Variants in MAP3K15 observed in about 807,000 individuals in gnomAD.
MAP3K15 encodes mitogen-activated protein kinase kinase kinase 15.
Under a neutral mutation model 99.5 loss-of-function variants are expected in MAP3K15, and 124 were observed. That is an observed-to-expected ratio of 1.25 (90% CI 1.08 to 1.45). MAP3K15 has a LOEUF of 1.45. Among genes scored for constraint, MAP3K15 ranks in the 40% most tolerant of loss-of-function variants. The pLI is 0.00. For synonymous variants in MAP3K15, 494 were observed against 439.6 expected (o/e 1.12, Z -1.55); for missense variants, 1,242 against 1,079.7 (o/e 1.15, Z -2.11).
At chrX:19,386,502 T>C (rs941985054) in intron 18 of MAP3K15, among the ~76,000 whole-genome samples, 2 of 110,547 alleles carry the variant, frequency 1.8e-5, no homozygotes, top group Non-Finnish European at 3.8e-5. Flanking sequence ...TGGGGCCCCA[T>C]ATGCTCCCTA....
At chrX:19,392,233 T>A in intron 17 of MAP3K15, 110 bp downstream of exon 17, 6 of 1,047,863 alleles carry the variant, frequency 5.7e-6, no homozygotes, top group Non-Finnish European at 7.9e-6. Flanking sequence ...TTGGGGACGG[T>A]TGTGCTAAAT....
intron 18 of MAP3K15, among the ~76,000 whole-genome samples, chrX:19,381,064 T>C (rs1055279661): frequency 2.7e-5 from 3 of 111,609 alleles, no homozygotes; most frequent in Non-Finnish European, 5.6e-5. Flanking sequence ...ATGTGGTAGG[T>C]GCTAGGACAG....
chrX:19,505,097 TC>T (rs1463376897), intron 1 of MAP3K15, among the ~76,000 whole-genome samples: 1 of 110,278 alleles, frequency 9.1e-6, no homozygotes, highest in Non-Finnish European at 1.9e-5. Flanking sequence ...TTACCTAGCC[TC>T]CAAAACTGAT....
At chrX:19,445,125 C>A (rs1413867972) in intron 6 of MAP3K15, among the ~76,000 whole-genome samples, 2 of 110,921 alleles carry the variant, frequency 1.8e-5, no homozygotes, top group African/African-American at 6.6e-5. Flanking sequence ...ATTAATATAC[C>A]CTCTACTGCC....
At chrX:19,379,286 T>C (rs1470953676) in intron 19 of MAP3K15, among the ~76,000 whole-genome samples, 1 of 108,467 alleles carries the variant, frequency 9.2e-6, no homozygotes, top group African/African-American at 3.4e-5. Flanking sequence ...TCTCCTAGTT[T>C]CCTTTTTCTT....
At chrX:19,390,296 AT>A (rs747259808) in intron 18 of MAP3K15, among the ~76,000 whole-genome samples, 1 of 90,845 alleles carries the variant, frequency 1.1e-5, no homozygotes, top group East Asian at 3.2e-4. Context: ...TTAAGAGCTA[AT>A]TTTTTCTTTT....
At chrX:19,453,396 G>C (rs1009169375) in intron 6 of MAP3K15, among the ~76,000 whole-genome samples, 4 of 109,198 alleles carry the variant, frequency 3.7e-5, no homozygotes, top group African/African-American at 1.3e-4. Flanking sequence ...GCTACTCAGG[G>C]GGCTAAGGCA....
chrX:19,439,984 G>A (rs2063948080), intron 6 of MAP3K15, among the ~76,000 whole-genome samples: 1 of 111,540 alleles, frequency 9.0e-6, no homozygotes, highest in African/African-American at 3.3e-5. Flanking sequence ...TGGGGGCAGA[G>A]GGTGAGGCCC....
chrX:19,434,192 A>G (rs1456660696), intron 6 of MAP3K15, among the ~76,000 whole-genome samples: 2 of 110,580 alleles, frequency 1.8e-5, no homozygotes, highest in African/African-American at 6.6e-5. Context: ...TAATAAGTGA[A>G]TAAATTATTC....
At chrX:19,426,044 C>T (rs772481540) in intron 8 of MAP3K15, among the ~76,000 whole-genome samples, 187 bp downstream of exon 8, 6 of 111,452 alleles carry the variant, frequency 5.4e-5, no homozygotes, top group Non-Finnish European at 1.1e-4. Flanking sequence ...ATTGCTTGAA[C>T]TCGGGAGGCG....
At chrX:19,474,548 G>GC (rs1393730952) in intron 3 of MAP3K15, among the ~76,000 whole-genome samples, 1 of 97,237 alleles carries the variant, frequency 1.0e-5, no homozygotes, top group South Asian at 5.8e-4. Context: ...GAGGTTGGGG[G>GC]GGGGGGTCTG....
intron 19 of MAP3K15, among the ~76,000 whole-genome samples, chrX:19,378,519 A>C (rs1223336063): frequency 1.8e-5 from 2 of 111,562 alleles, no homozygotes; most frequent in Non-Finnish European, 3.8e-5. Context: ...CCCTTATAAA[A>C]CCATCAGATC....
chrX:19,512,659 T>TTC (rs1334864102), intron 1 of MAP3K15, among the ~76,000 whole-genome samples: 12 of 100,678 alleles, frequency 1.2e-4, no homozygotes, highest in African/African-American at 3.7e-4. Context: ...TTTTTTTTTT[T>TTC]TTTTGCTCAG....
chrX:19,385,362 C>T (rs5955764), intron 18 of MAP3K15, among the ~76,000 whole-genome samples: 13,787 of 111,124 alleles, frequency 0.12, 1,407 homozygotes, highest in African/African-American at 0.34. Context: ...GAGACTGATC[C>T]GAGAGAAAGA....
intron 18 of MAP3K15, among the ~76,000 whole-genome samples, chrX:19,388,145 C>G (rs2063504744): frequency 1.8e-5 from 2 of 111,584 alleles, no homozygotes; most frequent in African/African-American, 6.6e-5. Flanking sequence ...GAGCGTTGAT[C>G]AGTATCAGCC....
intron 6 of MAP3K15, among the ~76,000 whole-genome samples, chrX:19,453,418 T>C (rs988851823): frequency 1.4e-4 from 15 of 108,392 alleles, no homozygotes; most frequent in Non-Finnish European, 2.5e-4. Flanking sequence ...CAGAATCGCT[T>C]GAACCCGGGA....
chrX:19,489,900 G>A (rs1471291334), intron 1 of MAP3K15, among the ~76,000 whole-genome samples: 1 of 110,430 alleles, frequency 9.1e-6, no homozygotes, highest in African/African-American at 3.3e-5. Context: ...GTTGGGCGTG[G>A]TGGCAGGTGC....
chrX:19,420,987 T>C (rs2063779471), intron 9 of MAP3K15, among the ~76,000 whole-genome samples: 1 of 111,403 alleles, frequency 9.0e-6, no homozygotes, highest in African/African-American at 3.3e-5. Context: ...CAACAACGCT[T>C]CATGCTAAAA....
At chrX:19,470,095 T>G (rs1038454727) in intron 3 of MAP3K15, among the ~76,000 whole-genome samples, 2 of 111,848 alleles carry the variant, frequency 1.8e-5, no homozygotes, top group African/African-American at 6.5e-5. Context: ...TAAAGACACA[T>G]GCACATGTAT....
Sources: allele counts gnomAD v4.1 joint callset (sites outside exome capture counted in the v4.1 genomes callset), GRCh38; gene constraint gnomAD v4.1.1; transcripts MANE v1.5; gene names NCBI Gene and HGNC (gene_info 2026-07-23, HGNC 2026-07-21).